XDH: variants seen among roughly 807,000 people sequenced by gnomAD.
XDH encodes xanthine dehydrogenase.
A neutral mutation model predicts 156.1 loss-of-function variants in XDH; 138 were observed. The ratio of observed to expected loss-of-function variants is 0.88; its 90% CI spans 0.77 to 1.02. XDH has a LOEUF of 1.02. XDH is among the 50% of genes least tolerant of loss of function. The pLI is 0.00. For missense variants in XDH, 1,849 were observed against 1,684.9 expected (o/e 1.10, Z -1.71); for synonymous variants, 669 against 625.7 (o/e 1.07, Z -1.03).
intron 1 of XDH, among the ~76,000 whole-genome samples, chr2:31,409,674 A>G (rs1481699896): frequency 6.6e-6 from 1 of 152,214 alleles, no homozygotes; most frequent in African/African-American, 2.4e-5. Context: ...TCAGAACTAT[A>G]ATGAGATTTC....
intron 1 of XDH, among the ~76,000 whole-genome samples, chr2:31,406,572 C>T (rs1687196233): frequency 6.6e-6 from 1 of 152,204 alleles, no homozygotes; most frequent in Non-Finnish European, 1.5e-5. Context: ...ATACTCAAAT[C>T]CTTAAATTCT....
At chr2:31,407,639 C>T (rs1002285498) in intron 1 of XDH, among the ~76,000 whole-genome samples, 3 of 152,126 alleles carry the variant, frequency 2.0e-5, no homozygotes, top group African/African-American at 4.8e-5. Context: ...ACCTAAAAGG[C>T]TCAGAAAGCC....
intron 3 of XDH, 112 bp from the exon 4 acceptor site, chr2:31,401,440 C>T (rs1437720075): frequency 2.7e-6 from 3 of 1,097,714 alleles, no homozygotes; most frequent in Admixed American, 2.0e-5. Flanking sequence ...TCTCTCCGCT[C>T]CCATTTATGT....
chr2:31,348,721 G>A (rs544228753), intron 27 of XDH, among the ~76,000 whole-genome samples, 178 bp downstream of exon 27: 1 of 152,208 alleles, frequency 6.6e-6, no homozygotes, highest in Admixed American at 6.5e-5. Flanking sequence ...GAGTCTCACT[G>A]CCCATGACCT....
intron 27 of XDH, among the ~76,000 whole-genome samples, chr2:31,348,666 G>T (rs1182516284): frequency 6.6e-6 from 1 of 152,184 alleles, no homozygotes; most frequent in African/African-American, 2.4e-5. Flanking sequence ...TCTCCAGTCC[G>T]ATAGTTAAGG....
In XDH at chr2:31,375,500, C is replaced by A; in HGVS notation, c.1482G>T (p.Leu494=). The change falls in exon 15 of 36, where the codon CTG becomes CTT. Residue 494 remains leucine, a synonymous_variant. Transcript: ENST00000379416. ...QDVCAGLAEE[L]HLPPDAPGGM... ...CACCAGGGGCATCGGGAGGCAGATG[C>A]AGCTCCTCTGCCAGTCCTGCACACA... The A allele has an allele frequency of 6.2e-7, 1 of 1,614,096 alleles. No individual in the cohort carries two copies. The highest frequency in any genetic ancestry group is 1.3e-5 in the African/African-American group (1 of 75,038).
chr2:31,349,857 C>A (rs541076722), intron 25 of XDH, 26 bp from the exon 26 acceptor site: 11 of 1,613,314 alleles, frequency 6.8e-6, no homozygotes, highest in Admixed American at 1.7e-5. Flanking sequence ...GACACAGAGG[C>A]CTTGTTGGCG....
At chr2:31,359,699 G>A (rs576725575) in intron 24 of XDH, among the ~76,000 whole-genome samples, 27 of 152,292 alleles carry the variant, frequency 1.8e-4, no homozygotes, top group African/African-American at 6.0e-4. Flanking sequence ...GGTGTGGTGG[G>A]GAATTGAGAG....
intron 30 of XDH, among the ~76,000 whole-genome samples, chr2:31,345,828 A>C (rs1241470560): frequency 6.6e-6 from 1 of 152,164 alleles, no homozygotes; most frequent in Non-Finnish European, 1.5e-5. Context: ...GTTGAAGACA[A>C]AGCTCAGATC....
chr2:31,407,357 G>A lies in XDH; in HGVS notation c.43-1393C>T, dbSNP rs188530332. 3.7e-3 allele frequency among the ~76,000 whole-genome samples: 565 copies of A among 152,300 alleles called. 3 individuals are homozygous for A. The highest frequency in any genetic ancestry group is 0.013 in the African/African-American group (548 of 41,560). ...GGAGCTTGGTAGAGCAGAGGATGTG[G>A]AAGTGTCGCCTATGGATGTAATGCA... On this transcript the variant is annotated intron_variant, in intron 1 of 35. Transcript: ENST00000379416.
chr2:31,377,200 C>T lies in XDH; in HGVS notation c.1280G>A (p.Arg427Lys). The change falls in exon 14 of 36, where the codon AGA becomes AAA. Residue 427 changes from arginine (R) to lysine (K), a missense_variant. By Grantham distance (26) the Arg-to-Lys change is conservative. Coordinates refer to ENST00000379416, the MANE Select transcript of XDH (RefSeq NM_000379.4). ...GGTTACCTTGGCAATGTCATCTTCT[C>T]TCCGGGAGGCCTGCTTGAATGCTGA... The part of the protein sequence containing the change: ...YFSAFKQASR[R>K]EDDIAKVTSG... 1.2e-6 allele frequency: 2 copies of T among 1,614,138 alleles called. No homozygotes were observed. The highest frequency in any genetic ancestry group is 1.7e-6 in the Non-Finnish European group (2 of 1,180,030).
At chr2:31,386,311 G>T (rs886860694) in intron 9 of XDH, 103 bp downstream of exon 9, 1 of 1,498,078 alleles carries the variant, frequency 6.7e-7, no homozygotes, top group Non-Finnish European at 9.1e-7. Context: ...GAGGGATAGG[G>T]TGCAGAGGCA....
chr2:31,352,333 A>G (rs895220394), intron 24 of XDH, among the ~76,000 whole-genome samples: 4 of 152,124 alleles, frequency 2.6e-5, no homozygotes, highest in Non-Finnish European at 5.9e-5. Flanking sequence ...GGAAAGATCA[A>G]TGGCAGCTTT....
intron 17 of XDH, among the ~76,000 whole-genome samples, chr2:31,370,921 C>T (rs1198635790): frequency 1.3e-5 from 2 of 152,204 alleles, no homozygotes; most frequent in African/African-American, 4.8e-5. Context: ...TACAAGCAAG[C>T]CATATCAGAA....
intron 23 of XDH, among the ~76,000 whole-genome samples, chr2:31,364,528 G>A (rs1171508014): frequency 6.6e-6 from 1 of 152,040 alleles, no homozygotes; most frequent in African/African-American, 2.4e-5. Flanking sequence ...TGGTCTCGGA[G>A]GGGAGTAAGG....
chr2:31,410,650 C>T (rs1687317463), intron 1 of XDH, among the ~76,000 whole-genome samples: 1 of 152,108 alleles, frequency 6.6e-6, no homozygotes, highest in Non-Finnish European at 1.5e-5. Context: ...GTGAGAAAAA[C>T]ACATTACTTC....
At chr2:31,392,351 C>T (rs1410366814) in intron 6 of XDH, among the ~76,000 whole-genome samples, 2 of 151,086 alleles carry the variant, frequency 1.3e-5, no homozygotes, top group African/African-American at 4.9e-5. Flanking sequence ...ATTTAATTTG[C>T]CTTTTTTTTT....
chr2:31,361,893 T>C (rs890208162), intron 24 of XDH, among the ~76,000 whole-genome samples: 1 of 152,164 alleles, frequency 6.6e-6, no homozygotes, highest in African/African-American at 2.4e-5. Flanking sequence ...AATAATACGG[T>C]CTCTCTGATC....
intron 1 of XDH, among the ~76,000 whole-genome samples, chr2:31,411,993 C>G (rs1687355254): frequency 6.8e-6 from 1 of 146,472 alleles, no homozygotes. Context: ...GTGAAAGTCA[C>G]CGTGACGATC....
Sources: gnomAD v4.1 joint callset for allele counts (sites outside exome capture counted in the v4.1 genomes callset) on GRCh38, gnomAD v4.1.1 for gene constraint, MANE v1.5 for transcripts, NCBI Gene and HGNC (gene_info 2026-07-23, HGNC 2026-07-21) for gene names.